PPP1R16B: variants seen among roughly 807,000 people sequenced by gnomAD.
PPP1R16B encodes the protein protein phosphatase 1 regulatory inhibitor subunit 16B.
PPP1R16B carries 14 observed loss-of-function variants against 61.7 expected under a neutral mutation model. That is an observed-to-expected ratio of 0.23 (90% CI 0.15 to 0.35). The LOEUF is 0.35. PPP1R16B is among the 10% of genes least tolerant of loss of function. PPP1R16B has a pLI of 1.00. For missense variants in PPP1R16B, 547 were observed against 752.5 expected (o/e 0.73, Z 3.19); for synonymous variants, 266 against 305.3 (o/e 0.87, Z 1.34).
At chr20:38,816,855 C>T (rs975118178) in intron 1 of PPP1R16B, among the ~76,000 whole-genome samples, 5 of 152,182 alleles carry the variant, frequency 3.3e-5, no homozygotes, top group South Asian at 2.1e-4. Context: ...AGGGGCCAGG[C>T]GAGGTATGTC....
chr20:38,898,345 A>T (rs955086537), intron 4 of PPP1R16B, among the ~76,000 whole-genome samples: 10 of 152,036 alleles, frequency 6.6e-5, no homozygotes, highest in African/African-American at 2.4e-4. Flanking sequence ...ATTGGTCTAT[A>T]TGTTTGTCTT....
intron 2 of PPP1R16B, among the ~76,000 whole-genome samples, chr20:38,847,120 A>G (rs1422308948): frequency 6.6e-6 from 1 of 152,226 alleles, no homozygotes; most frequent in Non-Finnish European, 1.5e-5. Flanking sequence ...CACTCATTTG[A>G]CTACCAGAGA....
intron 4 of PPP1R16B, among the ~76,000 whole-genome samples, chr20:38,899,657 G>A (rs1038833401): frequency 3.9e-5 from 6 of 152,196 alleles, no homozygotes; most frequent in African/African-American, 1.4e-4. Context: ...ATATAACTGA[G>A]GATGTTTCTG....
At position 38,922,913 on chromosome 20, in the gene PPP1R16B, C is replaced by T. The variant is rs2085612675; in HGVS notation, c.*4247C>T. 1 of 152,354 alleles carries T rather than the reference C, an allele frequency of 6.6e-6. No homozygotes were observed. The highest frequency in any genetic ancestry group is 1.5e-5 in the Non-Finnish European group (1 of 68,044). The allele number at this position is 152,354 out of a possible 1,614,324, so 9.4% of individuals were successfully genotyped here. On this transcript the variant is annotated 3_prime_UTR_variant, in exon 11 of 11. Coordinates refer to ENST00000299824, the MANE Select transcript of PPP1R16B (RefSeq NM_015568.4). Reference sequence around the variant, plus strand: ...CTTGGGTCCAAAACTGTGGCTCAGCCACATCCCAAAGGGGGCACATGTCCC... The same window carrying T: ...CTTGGGTCCAAAACTGTGGCTCAGCTACATCCCAAAGGGGGCACATGTCCC...
At chr20:38,811,230 A>G (rs2084698724) in intron 1 of PPP1R16B, among the ~76,000 whole-genome samples, 1 of 152,158 alleles carries the variant, frequency 6.6e-6, no homozygotes, top group South Asian at 2.1e-4. Context: ...GGCTGATCAG[A>G]GCATCACATG....
intron 2 of PPP1R16B, among the ~76,000 whole-genome samples, chr20:38,865,780 C>T (rs1191979870): frequency 6.6e-6 from 1 of 152,174 alleles, no homozygotes; most frequent in Non-Finnish European, 1.5e-5. Context: ...CCAGCGGCCC[C>T]TGCAGAGCCT....
intron 2 of PPP1R16B, among the ~76,000 whole-genome samples, chr20:38,883,336 GC>G (rs2085216780): frequency 6.6e-6 from 1 of 152,258 alleles, no homozygotes; most frequent in African/African-American, 2.4e-5. Flanking sequence ...TGGGTCAGAT[GC>G]CAAAGAAAAC....
At chr20:38,850,315 ATGGACTGACACT>A (rs2084960105) in intron 2 of PPP1R16B, among the ~76,000 whole-genome samples, 1 of 152,110 alleles carries the variant, frequency 6.6e-6, no homozygotes, top group Non-Finnish European at 1.5e-5. Context: ...TCCCAAACAC[ATGGACTGACACT>A]TGGTATTATG....
At chr20:38,829,212 G>A (rs887691361) in intron 1 of PPP1R16B, among the ~76,000 whole-genome samples, 4 of 152,188 alleles carry the variant, frequency 2.6e-5, no homozygotes, top group African/African-American at 9.7e-5. Flanking sequence ...TTCCCCAAGG[G>A]TCAAGTGCCT....
At chr20:38,891,363 G>A (rs1024181015) in intron 3 of PPP1R16B, among the ~76,000 whole-genome samples, 8 of 152,166 alleles carry the variant, frequency 5.3e-5, no homozygotes, top group Non-Finnish European at 1.0e-4. Context: ...ATGAACACAT[G>A]TAAAACTTTA....
intron 3 of PPP1R16B, 39 bp from the exon 4 acceptor site, chr20:38,895,526 C>A (rs2145765856): frequency 6.2e-7 from 1 of 1,605,552 alleles, no homozygotes; most frequent in Non-Finnish European, 8.5e-7. Flanking sequence ...GGGCCCAGTG[C>A]CCTGCCTGGA....
At chr20:38,871,282 A>G (rs959714985) in intron 2 of PPP1R16B, among the ~76,000 whole-genome samples, 11 of 152,124 alleles carry the variant, frequency 7.2e-5, no homozygotes, top group Non-Finnish European at 4.4e-5. Context: ...GTTACATAAG[A>G]ACATCTTTGG....
rs556128924 is a variant in PPP1R16B at position 38,814,512 on chromosome 20, A to G, written c.-102+8720A>G. Among the ~76,000 whole-genome samples, 3 of 152,300 alleles carry G rather than the reference A, an allele frequency of 2.0e-5. No homozygotes were observed. The South Asian group carries it at 6.2e-4, about 32-fold the overall frequency. ...TAATAATAGTATAATATAAATTGAT[A>G]TGATTAGGCATTTAGCCTCTGCTTG... is the stretch of plus-strand genomic sequence containing the variant. On this transcript the variant is annotated intron_variant, in intron 1 of 10. Transcript: ENST00000299824.
chr20:38,904,049 G>A (rs575463792), intron 6 of PPP1R16B, among the ~76,000 whole-genome samples: 1 of 152,254 alleles, frequency 6.6e-6, no homozygotes, highest in Admixed American at 6.5e-5. Context: ...TGGCAGCCCA[G>A]GTGTGATAAG....
chr20:38,851,118 G>A lies in PPP1R16B; in HGVS notation c.250+14943G>A, dbSNP rs573870779. Among the ~76,000 whole-genome samples the A allele has an allele frequency of 2.0e-5, 3 of 152,066 alleles. No individual in the cohort carries two copies. In the South Asian group the frequency reaches 6.2e-4, roughly 32 times the overall value. The stretch of plus-strand genomic sequence containing the variant: ...GAACTTAACTACATTGTTATTTGCA[G>A]TTGGTATGTGGGAACAGTAGCAGGA... On this transcript the variant is annotated intron_variant, in intron 2 of 10. Transcript: ENST00000299824.
chr20:38,818,737 G>C (rs954885936), intron 1 of PPP1R16B, among the ~76,000 whole-genome samples: 4 of 151,714 alleles, frequency 2.6e-5, no homozygotes, highest in Non-Finnish European at 5.9e-5. Flanking sequence ...GAGTGTGTAG[G>C]CTTCACTGAT....
intron 2 of PPP1R16B, among the ~76,000 whole-genome samples, chr20:38,869,171 T>G (rs6071613): frequency 0.071 from 10,859 of 152,130 alleles, 415 homozygotes; most frequent in East Asian, 0.12. Context: ...TTTTATTTAT[T>G]TATTTTTGAG....
chr20:38,840,569 C>T (rs2084903196), intron 2 of PPP1R16B, among the ~76,000 whole-genome samples: 1 of 152,204 alleles, frequency 6.6e-6, no homozygotes, highest in African/African-American at 2.4e-5. Flanking sequence ...CTGTCTGGGA[C>T]ACTCTTCCTG....
At chr20:38,867,010 A>G (rs914224105) in intron 2 of PPP1R16B, among the ~76,000 whole-genome samples, 13 of 152,004 alleles carry the variant, frequency 8.6e-5, no homozygotes, top group African/African-American at 3.1e-4. Flanking sequence ...ATAATATGTG[A>G]CTTTTCGTGT....
Sources: allele counts gnomAD v4.1 joint callset (sites outside exome capture counted in the v4.1 genomes callset), GRCh38; gene constraint gnomAD v4.1.1; transcripts MANE v1.5; gene names NCBI Gene and HGNC (gene_info 2026-07-23, HGNC 2026-07-21).